The following FLRT1 variants were observed in gnomAD, a reference collection of about 807,000 sequenced individuals.
The protein encoded by FLRT1 is leucine-rich repeat transmembrane protein FLRT1.
Under a neutral mutation model 30.9 loss-of-function variants are expected in FLRT1, and 14 were observed. The ratio of observed to expected loss-of-function variants is 0.45; its 90% CI spans 0.30 to 0.71. The LOEUF is 0.71. Among genes scored for constraint, FLRT1 ranks in the 30% least tolerant of loss-of-function variants. FLRT1 has a pLI of 0.08. For missense variants in FLRT1, 737 were observed against 949.2 expected, an observed-to-expected ratio of 0.78 and a Z score of 2.94; for synonymous variants, 368 against 430.4, an observed-to-expected ratio of 0.85 and a Z score of 1.80.
rs1369121008 is a variant in FLRT1, at chr11:64,096,860, A to C, written c.-1037-6334A>C. 1.3e-5 allele frequency among the ~76,000 whole-genome samples: 2 copies of C among 152,112 alleles called. No homozygotes were observed. The highest frequency in any genetic ancestry group is 2.9e-5 in the Non-Finnish European group (2 of 68,028). Reference sequence around the variant, plus strand: ...GCACACTGCCAGCTGTGTCCCTTCGAGGGCCTCCCCCGGCAGAGCTGAGAG... The same window carrying C: ...GCACACTGCCAGCTGTGTCCCTTCGCGGGCCTCCCCCGGCAGAGCTGAGAG... On this transcript the variant is annotated intron_variant, in intron 1 of 2. Coordinates refer to ENST00000682287, the MANE Select transcript of FLRT1 (RefSeq NM_013280.5). The surrounding 1 kb of genome is among the most constrained non-coding windows in gnomAD (Gnocchi z 4.6).
intron 1 of FLRT1, among the ~76,000 whole-genome samples, chr11:64,057,220 G>C (rs1943802870): frequency 6.6e-6 from 1 of 152,236 alleles, no homozygotes; most frequent in African/African-American, 2.4e-5. Context: ...TCTGGGACCA[G>C]CTTGGCTGGG....
chr11:64,114,093 T>C (rs923478262), intron 2 of FLRT1, among the ~76,000 whole-genome samples: 1 of 141,916 alleles, frequency 7.0e-6, no homozygotes, highest in African/African-American at 2.8e-5. Flanking sequence ...GATGGATGGA[T>C]GGACAGGTGG....
intron 1 of FLRT1, among the ~76,000 whole-genome samples, chr11:64,061,216 A>G (rs1382552002): frequency 6.6e-6 from 1 of 152,226 alleles, no homozygotes; most frequent in Non-Finnish European, 1.5e-5. Context: ...TAACCCCTGT[A>G]ATAAATGCAT....
At chr11:64,048,882 C>A (rs992855179) in intron 1 of FLRT1, among the ~76,000 whole-genome samples, 3 of 152,224 alleles carry the variant, frequency 2.0e-5, no homozygotes, top group Non-Finnish European at 4.4e-5. Flanking sequence ...CCAAAGCCGC[C>A]CTTGCCCTGT....
chr11:64,078,925 A>G (rs2134484238), intron 1 of FLRT1, among the ~76,000 whole-genome samples: 1 of 152,278 alleles, frequency 6.6e-6, no homozygotes, highest in South Asian at 2.1e-4. Context: ...ACATATCTTT[A>G]TGCCAGTGCG....
chr11:64,047,756 G>A (rs1943611889), intron 1 of FLRT1, among the ~76,000 whole-genome samples: 1 of 152,044 alleles, frequency 6.6e-6, no homozygotes, highest in Non-Finnish European at 1.5e-5. Context: ...AATTAGCTGG[G>A]CATGGTGGCA....
At chr11:64,109,507 G>T (rs1312665125) in intron 2 of FLRT1, among the ~76,000 whole-genome samples, 1 of 152,192 alleles carries the variant, frequency 6.6e-6, no homozygotes, top group East Asian at 1.9e-4. Context: ...AGAGGGGGTG[G>T]AAAGGGGAGG....
At chr11:64,077,267 C>T (rs1944219396) in intron 1 of FLRT1, among the ~76,000 whole-genome samples, 1 of 152,180 alleles carries the variant, frequency 6.6e-6, no homozygotes, top group African/African-American at 2.4e-5. Flanking sequence ...CAACAGGTAC[C>T]CCAGGCGGCC....
chr11:64,036,816 C>T lies in FLRT1; in HGVS notation c.-1038+657C>T, dbSNP rs1943390627. Among the ~76,000 whole-genome samples, 1 of 152,166 alleles carries T rather than the reference C, an allele frequency of 6.6e-6. No homozygotes were observed. Among genetic ancestry groups the T allele is most frequent in the Non-Finnish European group, 1.5e-5 (1 of 68,006 alleles). The stretch of plus-strand genomic sequence containing the variant: ...CTGGGCGGGGGGCGGCGGGCACCCC[C>T]CATCCCCCAGCTCTCAAGACAAGGA... On this transcript the variant is annotated intron_variant, in intron 1 of 2. Coordinates refer to ENST00000682287, the MANE Select transcript of FLRT1 (RefSeq NM_013280.5). The surrounding 1 kb of genome is among the most constrained non-coding windows in gnomAD (Gnocchi z 5.6).
chr11:64,094,171 G>A (rs1202156982), intron 1 of FLRT1, among the ~76,000 whole-genome samples: 2 of 152,210 alleles, frequency 1.3e-5, no homozygotes, highest in Non-Finnish European at 2.9e-5. Context: ...GGTGGCTCAC[G>A]CCTGTAATCC....
At chr11:64,053,609 TGGG>T (rs1262028188) in intron 1 of FLRT1, among the ~76,000 whole-genome samples, 2 of 151,994 alleles carry the variant, frequency 1.3e-5, no homozygotes, top group East Asian at 3.9e-4. Context: ...GGGAGGGATG[TGGG>T]GCCCCTACCC....
At chr11:64,052,090 T>A (rs959641360) in intron 1 of FLRT1, among the ~76,000 whole-genome samples, 1 of 151,504 alleles carries the variant, frequency 6.6e-6, no homozygotes, top group South Asian at 2.1e-4. Context: ...TTGGAGCAAA[T>A]CCCTTGGAGG....
chr11:64,108,965 A>G lies in FLRT1; in HGVS notation c.-50+4784A>G, dbSNP rs1258364463. On this transcript the variant is annotated intron_variant, in intron 2 of 2. Coordinates refer to ENST00000682287, the MANE Select transcript of FLRT1 (RefSeq NM_013280.5). ...AGGCAGGTGGGCAGGAAGGAGGCTG[A>G]GGGGCAAGTGGGGGTGGGGGAGACG... 2.0e-5 allele frequency among the ~76,000 whole-genome samples: 3 copies of G among 152,026 alleles called. No homozygotes were observed. In the East Asian group the frequency reaches 5.8e-4, roughly 29 times the overall value.
At chr11:64,094,409 C>T (rs963988247) in intron 1 of FLRT1, among the ~76,000 whole-genome samples, 6 of 148,840 alleles carry the variant, frequency 4.0e-5, no homozygotes, top group South Asian at 2.2e-4. Flanking sequence ...CCAGCCTGGG[C>T]GACAGAGTGA....
In FLRT1 at chr11:64,103,024, T is replaced by C. The variant is rs565302428; in HGVS notation, c.-1037-170T>C. Among the ~76,000 whole-genome samples, 188 of 150,922 alleles carry C rather than the reference T, an allele frequency of 1.2e-3. 1 individual carries two copies. Among genetic ancestry groups the C allele is most frequent in the African/African-American group, 4.4e-3 (180 of 41,010 alleles). On this transcript the variant is annotated intron_variant, in intron 1 of 2. Transcript: ENST00000682287. ...AGGCAGAGGTCGCAGTGAGCCGAGA[T>C]TGTGCCACTGCACTCTAGCCTGGCG...
chr11:64,114,011 CATGGATGG>C (rs140487195), intron 2 of FLRT1, among the ~76,000 whole-genome samples: 21,954 of 95,434 alleles, frequency 0.23, 1,972 homozygotes, highest in Admixed American at 0.37. Context: ...CAGGTGGATG[CATGGATGG>C]ATGGATGGAT....
intron 1 of FLRT1, among the ~76,000 whole-genome samples, chr11:64,045,856 G>A (rs1268537095): frequency 1.3e-5 from 2 of 152,208 alleles, no homozygotes; most frequent in Non-Finnish European, 2.9e-5. Flanking sequence ...GGAGGCTGAG[G>A]CAGGAGGATG....
chr11:64,055,468 G>T (rs530399), intron 1 of FLRT1, among the ~76,000 whole-genome samples: 21,560 of 152,152 alleles, frequency 0.14, 1,904 homozygotes, highest in Non-Finnish European at 0.19. Flanking sequence ...GGGGCCCAGG[G>T]TCTGCTTGTC....
At chr11:64,040,223 A>T (rs1319452714) in intron 1 of FLRT1, among the ~76,000 whole-genome samples, 1 of 151,998 alleles carries the variant, frequency 6.6e-6, no homozygotes, top group Non-Finnish European at 1.5e-5. Context: ...CTGAAGGCGC[A>T]AAGTGGTGAG....
Sources: allele counts gnomAD v4.1 joint callset (sites outside exome capture counted in the v4.1 genomes callset), GRCh38; gene constraint gnomAD v4.1.1; non-coding constraint Gnocchi (gnomAD v3.1); transcripts MANE v1.5; gene names NCBI Gene and HGNC (gene_info 2026-07-23, HGNC 2026-07-21).